The following JAKMIP2 variants were observed in gnomAD, a reference collection of about 807,000 sequenced individuals.
The protein encoded by JAKMIP2 is janus kinase and microtubule interacting protein 2, also known as janus kinase and microtubule-interacting protein 2.
JAKMIP2 carries 25 observed loss-of-function variants against 115.0 expected under a neutral mutation model. That is an observed-to-expected ratio of 0.22 (90% CI 0.16 to 0.30). The LOEUF is 0.30. JAKMIP2 is among the 10% of genes least tolerant of loss of function. The pLI, the probability that JAKMIP2 is intolerant of heterozygous loss-of-function variation, is 1.00. For missense variants in JAKMIP2, 642 were observed against 957.6 expected, an observed-to-expected ratio of 0.67 and a Z score of 4.35; for synonymous variants, 334 against 343.6, an observed-to-expected ratio of 0.97 and a Z score of 0.31.
intron 1 of JAKMIP2, among the ~76,000 whole-genome samples, chr5:147,744,358 AC>A (rs1172722065): frequency 6.6e-6 from 1 of 152,138 alleles, no homozygotes; most frequent in East Asian, 1.9e-4. Flanking sequence ...TTAAGATCAC[AC>A]CCAGACTCTT....
chr5:147,597,853 G>A (rs541071247), intron 21 of JAKMIP2, among the ~76,000 whole-genome samples: 1 of 152,298 alleles, frequency 6.6e-6, no homozygotes, highest in Admixed American at 6.5e-5. Context: ...CATGAAGGTG[G>A]AGTGAATGCC....
intron 1 of JAKMIP2, among the ~76,000 whole-genome samples, chr5:147,773,762 T>A (rs1426364938): frequency 1.3e-5 from 2 of 152,106 alleles, no homozygotes; most frequent in Middle Eastern, 3.2e-3. Context: ...AAGGTCACAC[T>A]CAGATGCAAC....
intron 3 of JAKMIP2, among the ~76,000 whole-genome samples, chr5:147,658,900 G>C (rs544802600): frequency 1.3e-3 from 201 of 152,216 alleles, no homozygotes; most frequent in Middle Eastern, 6.8e-3. Flanking sequence ...AATCATCTCA[G>C]GCTGACTCTA....
chr5:147,770,039 C>G (rs1401868809), intron 1 of JAKMIP2, among the ~76,000 whole-genome samples: 1 of 152,066 alleles, frequency 6.6e-6, no homozygotes, highest in African/African-American at 2.4e-5. Flanking sequence ...TTCATTTGCA[C>G]TATTTTGGCC....
chr5:147,690,537 GATTAT>G (rs1751783249), intron 1 of JAKMIP2, among the ~76,000 whole-genome samples: 1 of 93,562 alleles, frequency 1.1e-5, no homozygotes, highest in Non-Finnish European at 2.1e-5. Flanking sequence ...AAACTAAAGA[GATTAT>G]ATATATATAT....
intron 1 of JAKMIP2, among the ~76,000 whole-genome samples, chr5:147,703,503 C>T (rs1335653056): frequency 1.3e-5 from 2 of 151,908 alleles, no homozygotes; most frequent in Admixed American, 1.3e-4. Flanking sequence ...CACTGTATAT[C>T]ACTGTAGACA....
chr5:147,674,567 G>T (rs1759823393), intron 1 of JAKMIP2, among the ~76,000 whole-genome samples: 1 of 152,214 alleles, frequency 6.6e-6, no homozygotes. Flanking sequence ...GGAGTTTGGA[G>T]TGGATTTTAC....
intron 8 of JAKMIP2, among the ~76,000 whole-genome samples, chr5:147,641,047 T>A (rs1351850466): frequency 1.3e-5 from 2 of 152,218 alleles, no homozygotes; most frequent in Non-Finnish European, 1.5e-5. Context: ...ATATGTAGCT[T>A]TTTTCATAGA....
chr5:147,598,425 C>CATCT (rs71001444), intron 21 of JAKMIP2, among the ~76,000 whole-genome samples: 2,896 of 148,426 alleles, frequency 0.02, 54 homozygotes, highest in African/African-American at 0.04. Context: ...CTCTCATTTT[C>CATCT]ATCTATCTAT....
At chr5:147,679,760 G>A (rs1302988270) in intron 1 of JAKMIP2, among the ~76,000 whole-genome samples, 2 of 152,206 alleles carry the variant, frequency 1.3e-5, no homozygotes, top group Non-Finnish European at 2.9e-5. Flanking sequence ...AGAAATGGCA[G>A]AGCTGCAACT....
At chr5:147,765,045 AGAG>A (rs1755106452) in intron 1 of JAKMIP2, among the ~76,000 whole-genome samples, 1 of 147,158 alleles carries the variant, frequency 6.8e-6, no homozygotes, top group Non-Finnish European at 1.5e-5. Context: ...AGAAAGAAAG[AGAG>A]AAGAGAGAAG....
intron 1 of JAKMIP2, among the ~76,000 whole-genome samples, chr5:147,708,758 C>T (rs987988205): frequency 1.3e-5 from 2 of 152,074 alleles, no homozygotes; most frequent in Non-Finnish European, 2.9e-5. Flanking sequence ...CAAAGAAATT[C>T]GACAGTTATG....
chr5:147,614,557 C>T (rs532533055), intron 19 of JAKMIP2, among the ~76,000 whole-genome samples: 5 of 152,306 alleles, frequency 3.3e-5, no homozygotes, highest in African/African-American at 1.2e-4. Flanking sequence ...GGTGTGGCAG[C>T]TTCTACCTGC....
intron 2 of JAKMIP2, among the ~76,000 whole-genome samples, chr5:147,664,293 G>T (rs144773918): frequency 1.3e-5 from 2 of 152,090 alleles, no homozygotes; most frequent in African/African-American, 2.4e-5. Flanking sequence ...TTTTCCTTAC[G>T]TATCTGCTCA....
intron 1 of JAKMIP2, among the ~76,000 whole-genome samples, chr5:147,689,386 C>T (rs1299065292): frequency 1.3e-5 from 2 of 152,140 alleles, no homozygotes; most frequent in Non-Finnish European, 2.9e-5. Flanking sequence ...TTTACTCTGA[C>T]TGCTCTAGTA....
At chr5:147,679,806 A>G (rs1386703284) in intron 1 of JAKMIP2, among the ~76,000 whole-genome samples, 2 of 152,228 alleles carry the variant, frequency 1.3e-5, no homozygotes, top group Non-Finnish European at 2.9e-5. Flanking sequence ...CGGCTTAGCT[A>G]TAATAACACT....
chr5:147,745,559 T>G (rs1754320117), intron 1 of JAKMIP2, among the ~76,000 whole-genome samples: 1 of 152,158 alleles, frequency 6.6e-6, no homozygotes, highest in South Asian at 2.1e-4. Flanking sequence ...AGGTTTTGGT[T>G]CTGATATTTG....
chr5:147,772,376 C>G (rs1380752977), intron 1 of JAKMIP2, among the ~76,000 whole-genome samples: 1 of 146,780 alleles, frequency 6.8e-6, no homozygotes, highest in Non-Finnish European at 1.5e-5. Flanking sequence ...TTTTCAGCTT[C>G]TATATGAATG....
At chr5:147,664,807 A>C (rs1332201443) in intron 2 of JAKMIP2, among the ~76,000 whole-genome samples, 1 of 152,116 alleles carries the variant, frequency 6.6e-6, no homozygotes, top group Admixed American at 6.6e-5. Context: ...TGGCTCCCAG[A>C]ACAATATATA....
Sources: allele counts gnomAD v4.1 joint callset (sites outside exome capture counted in the v4.1 genomes callset), GRCh38; gene constraint gnomAD v4.1.1; transcripts MANE v1.5; gene names NCBI Gene and HGNC (gene_info 2026-07-23, HGNC 2026-07-21).